QKI: variants seen among roughly 807,000 people sequenced by gnomAD.
QKI encodes KH domain-containing RNA-binding protein QKI.
QKI carries 10 observed loss-of-function variants against 39.0 expected under a neutral mutation model. That is an observed-to-expected ratio of 0.26 (90% CI 0.16 to 0.43). The LOEUF (loss-of-function observed/expected upper bound fraction) is 0.43, where lower values mean the gene tolerates loss of function less well. QKI is among the 20% of genes least tolerant of loss of function. The pLI, the probability that QKI is intolerant of heterozygous loss-of-function variation, is 1.00. For synonymous variants in QKI, 204 were observed against 155.4 expected (o/e 1.31, Z -2.33); for missense variants, 218 against 428.0 (o/e 0.51, Z 4.33).
At chr6:163,449,874 A>G (rs1334234730) in intron 1 of QKI, among the ~76,000 whole-genome samples, 1 of 151,966 alleles carries the variant, frequency 6.6e-6, no homozygotes, top group African/African-American at 2.4e-5. Flanking sequence ...TTCTCACCCC[A>G]TATTTTTTTA....
chr6:163,439,064 C>A (rs1247871975), intron 1 of QKI, among the ~76,000 whole-genome samples: 1 of 152,112 alleles, frequency 6.6e-6, no homozygotes, highest in South Asian at 2.1e-4. Flanking sequence ...TAACCTAGGC[C>A]TGCACAGGGT....
intron 2 of QKI, among the ~76,000 whole-genome samples, chr6:163,477,337 C>T (rs1197369244): frequency 6.6e-6 from 1 of 152,134 alleles, no homozygotes; most frequent in African/African-American, 2.4e-5. Flanking sequence ...TTCCTGATTA[C>T]TGTTTTCATA....
At chr6:163,565,668 T>C (rs943276565) in intron 6 of QKI, 2 of 1,096,978 alleles carry the variant, frequency 1.8e-6, no homozygotes, top group Admixed American at 4.6e-5. Context: ...AAATCTATTA[T>C]GGTTAATTTC....
intron 3 of QKI, among the ~76,000 whole-genome samples, chr6:163,503,394 T>G (rs1778902797): frequency 6.6e-6 from 1 of 152,086 alleles, no homozygotes; most frequent in Non-Finnish European, 1.5e-5. Flanking sequence ...CCCCATTGCT[T>G]TGGCCCACTT....
chr6:163,491,185 T>G (rs1343120238), intron 3 of QKI, among the ~76,000 whole-genome samples: 2 of 152,208 alleles, frequency 1.3e-5, no homozygotes, highest in Non-Finnish European at 2.9e-5. Context: ...ATTCAATCCA[T>G]TATATCTTTT....
chr6:163,457,539 C>G, intron 2 of QKI: 1 of 443,278 alleles, frequency 2.3e-6, no homozygotes, highest in Non-Finnish European at 4.6e-6. Flanking sequence ...CTTATTGAAT[C>G]AGAAACTCTG....
intron 2 of QKI, among the ~76,000 whole-genome samples, chr6:163,471,840 G>C (rs1303240226): frequency 1.3e-5 from 1 of 76,262 alleles, no homozygotes; most frequent in Non-Finnish European, 3.2e-5. Flanking sequence ...AACTCATTTA[G>C]ATGATTTTTA....
intron 1 of QKI, among the ~76,000 whole-genome samples, chr6:163,425,569 C>T (rs1379290883): frequency 6.6e-6 from 1 of 152,102 alleles, no homozygotes; most frequent in African/African-American, 2.4e-5. Flanking sequence ...GTGGCTAACC[C>T]TTTAGGAAAA....
At chr6:163,493,169 T>G (rs1778172525) in intron 3 of QKI, among the ~76,000 whole-genome samples, 1 of 150,886 alleles carries the variant, frequency 6.6e-6, no homozygotes, top group Non-Finnish European at 1.5e-5. Flanking sequence ...TTTGCTCTTG[T>G]CACTCAGGCT....
intron 7 of QKI, chr6:163,569,320 G>A (rs1430599423): frequency 9.2e-7 from 1 of 1,088,932 alleles, no homozygotes; most frequent in Non-Finnish European, 1.1e-6. Context: ...AGGTAAATCA[G>A]TCCATTATTT....
Position 163,430,307 on chromosome 6 carries a change from C to G in QKI, c.142+14972C>G, listed in dbSNP as rs114700957. 2.9e-3 allele frequency among the ~76,000 whole-genome samples: 438 copies of G among 152,196 alleles called. 2 individuals are homozygous for G. Among genetic ancestry groups the G allele is most frequent in the African/African-American group, 9.8e-3 (406 of 41,542 alleles). On this transcript the variant is annotated intron_variant, in intron 1 of 7. Coordinates refer to ENST00000361752, the MANE Select transcript of QKI (RefSeq NM_006775.3). Reference sequence around the variant, plus strand: ...GTAGATTGCTGTGATTGCTGCTGTCCTTCTCTTCCCTTCATTTTCAGATGT... The same window carrying G: ...GTAGATTGCTGTGATTGCTGCTGTCGTTCTCTTCCCTTCATTTTCAGATGT...
intron 6 of QKI, chr6:163,564,127 C>T (rs755782642): frequency 1.6e-5 from 17 of 1,034,496 alleles, no homozygotes; most frequent in Non-Finnish European, 2.0e-5. Flanking sequence ...TTTTAAACTT[C>T]TAAGTGAAAG....
At chr6:163,489,047 C>T (rs1252899984) in intron 3 of QKI, among the ~76,000 whole-genome samples, 1 of 143,538 alleles carries the variant, frequency 7.0e-6, no homozygotes, top group African/African-American at 2.6e-5. Context: ...ATTTCTCACT[C>T]TTCATAGATT....
At chr6:163,502,005 C>T (rs1778797995) in intron 3 of QKI, among the ~76,000 whole-genome samples, 1 of 151,922 alleles carries the variant, frequency 6.6e-6, no homozygotes, top group Non-Finnish European at 1.5e-5. Context: ...TTTTTGCTGC[C>T]TCACAAAAAG....
chr6:163,519,528 G>C (rs1226503824), intron 3 of QKI, among the ~76,000 whole-genome samples: 1 of 151,562 alleles, frequency 6.6e-6, no homozygotes, highest in Non-Finnish European at 1.5e-5. Flanking sequence ...AAGGACGTAA[G>C]ACAAGTTACT....
intron 2 of QKI, among the ~76,000 whole-genome samples, chr6:163,473,312 G>A (rs907991345): frequency 6.6e-6 from 1 of 152,110 alleles, no homozygotes; most frequent in African/African-American, 2.4e-5. Context: ...TAACACTGAG[G>A]CATATCATTC....
chr6:163,569,705 G>A, intron 7 of QKI: 2 of 994,254 alleles, frequency 2.0e-6, no homozygotes, highest in South Asian at 8.2e-5. Context: ...AGTATTTACA[G>A]GTGGCTTCTT....
At chr6:163,534,022 A>G (rs1272258427) in intron 3 of QKI, among the ~76,000 whole-genome samples, 1 of 152,174 alleles carries the variant, frequency 6.6e-6, no homozygotes, top group Non-Finnish European at 1.5e-5. Context: ...AACAGCAGAT[A>G]TTTATTGTTT....
At chr6:163,527,334 G>A (rs1044104196) in intron 3 of QKI, among the ~76,000 whole-genome samples, 4 of 152,110 alleles carry the variant, frequency 2.6e-5, no homozygotes, top group African/African-American at 9.7e-5. Flanking sequence ...ACTGGAGATG[G>A]TAATATGTCT....
Sources: allele counts gnomAD v4.1 joint callset (sites outside exome capture counted in the v4.1 genomes callset), GRCh38; gene constraint gnomAD v4.1.1; transcripts MANE v1.5; gene names NCBI Gene and HGNC (gene_info 2026-07-23, HGNC 2026-07-21).